KDM6A: variants seen among roughly 807,000 people sequenced by gnomAD.
KDM6A encodes lysine demethylase 6A.
A neutral mutation model predicts 117.6 loss-of-function variants in KDM6A; 11 were observed. The observed-to-expected ratio is 0.09, with a 90% CI of 0.06 to 0.15. KDM6A has a LOEUF of 0.15. KDM6A is among the 10% of genes least tolerant of loss of function. The pLI is 1.00. For synonymous variants in KDM6A, 384 were observed against 396.1 expected (o/e 0.97, Z 0.36); for missense variants, 799 against 1,077.3 (o/e 0.74, Z 3.62).
chrX:45,043,404 G>A (rs2043377931), intron 8 of KDM6A, among the ~76,000 whole-genome samples: 1 of 111,934 alleles, frequency 8.9e-6, no homozygotes, highest in Non-Finnish European at 1.9e-5. Flanking sequence ...TTTAATGAGA[G>A]CTCATCCCCT....
intron 2 of KDM6A, among the ~76,000 whole-genome samples, chrX:44,923,060 T>C (rs906501941): frequency 4.5e-5 from 5 of 111,895 alleles, no homozygotes; most frequent in Non-Finnish European, 9.4e-5. Flanking sequence ...GATGGCACTC[T>C]ACTGTTTTCT....
At chrX:45,064,122 C>T (rs994813479) in intron 17 of KDM6A, among the ~76,000 whole-genome samples, 4 of 112,174 alleles carry the variant, frequency 3.6e-5, no homozygotes, top group African/African-American at 1.3e-4. Flanking sequence ...TGTAATATTA[C>T]TTAGTTCATT....
chrX:44,960,304 A>G (rs1309949387), intron 2 of KDM6A, among the ~76,000 whole-genome samples: 1 of 111,830 alleles, frequency 8.9e-6, no homozygotes, highest in South Asian at 3.7e-4. Context: ...ACACATTATT[A>G]ACAGAGCAAT....
chrX:44,959,357 G>A (rs1313644439), intron 2 of KDM6A, among the ~76,000 whole-genome samples: 1 of 109,271 alleles, frequency 9.2e-6, no homozygotes, highest in Non-Finnish European at 1.9e-5. Flanking sequence ...TTTATGACAA[G>A]TAGAAGATAG....
At chrX:44,994,457 G>A (rs1342875707) in intron 4 of KDM6A, among the ~76,000 whole-genome samples, 2 of 111,916 alleles carry the variant, frequency 1.8e-5, no homozygotes, top group Non-Finnish European at 3.8e-5. Context: ...TTTAAAGGCT[G>A]AATAGTATTT....
chrX:44,971,455 A>G (rs903033518), intron 3 of KDM6A, among the ~76,000 whole-genome samples: 1 of 112,206 alleles, frequency 8.9e-6, no homozygotes, highest in African/African-American at 3.2e-5. Context: ...ATATGATTTT[A>G]TATATATTTT....
chrX:44,965,880 A>G (rs192614734), intron 3 of KDM6A, among the ~76,000 whole-genome samples: 2 of 112,149 alleles, frequency 1.8e-5, no homozygotes, highest in East Asian at 2.8e-4. Flanking sequence ...GTGAAGCACA[A>G]TAAAGCAAAG....
rs184538106 is a variant in KDM6A at position 44,881,299 on chromosome X, C to T, written c.225+7312C>T. On this transcript the variant is annotated intron_variant, in intron 2 of 29. Coordinates refer to ENST00000611820, the MANE Select transcript of KDM6A (RefSeq NM_001291415.2). ...TACAAAAATTATCTGGGTGTGATGG[C>T]GCGTACCTGTAATCCCAGCTACTCG... Among the ~76,000 whole-genome samples the T allele has an allele frequency of 5.3e-3, 595 of 111,675 alleles. 1 individual carries two copies. The highest frequency in any genetic ancestry group is 0.018 in the African/African-American group (559 of 30,759).
At chrX:45,087,280 C>T (rs1351066715) in intron 25 of KDM6A, among the ~76,000 whole-genome samples, 2 of 113,329 alleles carry the variant, frequency 1.8e-5, no homozygotes, top group Non-Finnish European at 3.7e-5. Context: ...TGAGCCACCA[C>T]GCCCAGCCCC....
At chrX:44,887,337 T>G (rs966486603) in intron 2 of KDM6A, among the ~76,000 whole-genome samples, 1 of 111,639 alleles carries the variant, frequency 9.0e-6, no homozygotes, top group Non-Finnish European at 1.9e-5. Context: ...TACAAACATT[T>G]TATATATGAT....
intron 17 of KDM6A, among the ~76,000 whole-genome samples, chrX:45,067,657 T>G (rs1176389640): frequency 2.1e-5 from 2 of 96,746 alleles, no homozygotes; most frequent in Non-Finnish European, 4.0e-5. Context: ...TTTTTTGTTT[T>G]TTTTTTTTTT....
At chrX:45,059,939 T>A in intron 12 of KDM6A, 83 bp from the exon 13 acceptor site, 2 of 1,150,050 alleles carry the variant, frequency 1.7e-6, no homozygotes, top group Non-Finnish European at 2.3e-6. Flanking sequence ...AACAATTAGC[T>A]ATAGCATTTA....
chrX:44,945,906 A>G (rs2037600421), intron 2 of KDM6A, among the ~76,000 whole-genome samples: 1 of 111,882 alleles, frequency 8.9e-6, no homozygotes, highest in African/African-American at 3.2e-5. Context: ...CAACCTTCCT[A>G]GTCATATTGG....
intron 20 of KDM6A, among the ~76,000 whole-genome samples, chrX:45,078,896 G>A (rs1011064495): frequency 9.1e-6 from 1 of 110,280 alleles, no homozygotes; most frequent in Non-Finnish European, 1.9e-5. Context: ...AAATAAATAA[G>A]TGAAATTTCA....
At chrX:45,060,558 G>A in intron 13 of KDM6A, 51 bp from the exon 14 acceptor site, 1 of 919,478 alleles carries the variant, frequency 1.1e-6, no homozygotes, top group Non-Finnish European at 1.4e-6. Context: ...TTGAAGGAAT[G>A]AATTAAGAAT....
rs759105964 is a variant in KDM6A, at chrX:45,087,802, C to T, written c.3704+1823C>T. 3.6e-5 allele frequency among the ~76,000 whole-genome samples: 4 copies of T among 111,098 alleles called. No homozygotes were observed. In the South Asian group the frequency reaches 1.5e-3, roughly 42 times the overall value. ...GCAGATGATGTCCAAAAAGCTTGAGCGTAGGGATAATAAAAATATCAAGTT... is the reference window on the plus strand; with the variant it reads ...GCAGATGATGTCCAAAAAGCTTGAGTGTAGGGATAATAAAAATATCAAGTT... On this transcript the variant is annotated intron_variant, in intron 25 of 29. Coordinates refer to ENST00000611820, the MANE Select transcript of KDM6A (RefSeq NM_001291415.2).
chrX:45,027,307 TACACACAC>T (rs374328149), intron 6 of KDM6A, among the ~76,000 whole-genome samples: 7,042 of 95,965 alleles, frequency 0.073, 618 homozygotes, highest in African/African-American at 0.25. Flanking sequence ...GAGACACACA[TACACACAC>T]ACACACGCAA....
At chrX:44,907,007 T>A (rs1447206989) in intron 2 of KDM6A, among the ~76,000 whole-genome samples, 1 of 111,545 alleles carries the variant, frequency 9.0e-6, no homozygotes, top group East Asian at 2.8e-4. Flanking sequence ...ATTTTCCTAC[T>A]ATGGAAGGTA....
At chrX:44,999,659 C>A (rs1434791523) in intron 4 of KDM6A, among the ~76,000 whole-genome samples, 1 of 111,440 alleles carries the variant, frequency 9.0e-6, no homozygotes, top group African/African-American at 3.3e-5. Flanking sequence ...ATCTAACAAC[C>A]CCTCCCCTTG....
Sources: gnomAD v4.1 joint callset for allele counts (sites outside exome capture counted in the v4.1 genomes callset) on GRCh38, gnomAD v4.1.1 for gene constraint, MANE v1.5 for transcripts, NCBI Gene and HGNC (gene_info 2026-07-23, HGNC 2026-07-21) for gene names.